Variants in DMD observed in about 807,000 individuals in gnomAD.
DMD encodes mutant dystrophin.
Under a neutral mutation model 330.1 loss-of-function variants are expected in DMD, and 63 were observed. The observed-to-expected ratio is 0.19, with a 90% CI of 0.16 to 0.24. The LOEUF is 0.24. DMD is among the 10% of genes least tolerant of loss of function. DMD has a pLI of 1.00. For missense variants in DMD, 3,344 were observed against 2,684.1 expected, an observed-to-expected ratio of 1.25 and a Z score of -5.43; for synonymous variants, 1,223 against 959.8, an observed-to-expected ratio of 1.27 and a Z score of -5.07.
At chrX:33,005,812 C>G (rs750230129) in intron 2 of DMD, among the ~76,000 whole-genome samples, 1 of 110,733 alleles carries the variant, frequency 9.0e-6, no homozygotes, top group East Asian at 2.8e-4. Context: ...AGAAATGAAG[C>G]TGTATTTCTT....
intron 9 of DMD, among the ~76,000 whole-genome samples, chrX:32,670,565 C>T (rs990837340): frequency 1.9e-4 from 21 of 111,543 alleles, no homozygotes; most frequent in East Asian, 1.1e-3. Flanking sequence ...GCCACATGCT[C>T]CTGCCATATT....
At chrX:32,570,499 A>C (rs967278366) in intron 15 of DMD, among the ~76,000 whole-genome samples, 3 of 112,162 alleles carry the variant, frequency 2.7e-5, no homozygotes, top group East Asian at 2.8e-4. Context: ...GAGGCTAGCC[A>C]AGATTTCTGC....
chrX:31,330,317 A>G (rs985164834), intron 61 of DMD, among the ~76,000 whole-genome samples: 1 of 111,764 alleles, frequency 8.9e-6, no homozygotes, highest in African/African-American at 3.3e-5. Flanking sequence ...TCAAAGAAAA[A>G]TAATACAGAA....
chrX:32,454,718 T>C lies in DMD; in HGVS notation c.3547A>G (p.Arg1183Gly). ...MTQAEEEYLE[R>G]DFEYKTPDEL... ...TCTGGAGTTTTATATTCAAAATCTCTCTCAAGATACTCTTCTTCAGCTTGT... is the reference window on the plus strand; with the variant it reads ...TCTGGAGTTTTATATTCAAAATCTCCCTCAAGATACTCTTCTTCAGCTTGT... Residue 1183 changes from arginine (R) to glycine (G), a missense_variant, in exon 26 of 79, where the codon AGA (arginine) becomes GGA (glycine). Physicochemically the swap from Arg to Gly is moderately radical, Grantham distance 125 (BLOSUM62 -2). Coordinates refer to ENST00000357033, the MANE Select transcript of DMD (RefSeq NM_004006.3). The C allele has an allele frequency of 8.3e-7, 1 of 1,203,821 alleles. No individual in the cohort carries two copies. The highest frequency in any genetic ancestry group is 1.8e-5 in the South Asian group (1 of 56,342).
chrX:32,496,876 T>C (rs1372766298), intron 19 of DMD, among the ~76,000 whole-genome samples: 2 of 112,580 alleles, frequency 1.8e-5, no homozygotes, highest in African/African-American at 6.4e-5. Flanking sequence ...GAGGAAGGAA[T>C]AAGAGAAGAG....
At chrX:32,456,899 G>A (rs185604450) in intron 25 of DMD, among the ~76,000 whole-genome samples, 1 of 104,578 alleles carries the variant, frequency 9.6e-6, no homozygotes, top group Non-Finnish European at 2.0e-5. Context: ...TTGATGTGGA[G>A]GTGTTGAGTG....
intron 60 of DMD, among the ~76,000 whole-genome samples, chrX:31,384,307 TTC>T (rs1491451600): frequency 3.6e-5 from 3 of 82,640 alleles, no homozygotes; most frequent in Non-Finnish European, 6.8e-5. Context: ...AATATCCTGC[TTC>T]ACTACTACTA....
chrX:32,341,969 C>G (rs1359121747), intron 41 of DMD, 131 bp downstream of exon 41: 1 of 671,769 alleles, frequency 1.5e-6, no homozygotes, highest in East Asian at 3.6e-5. Context: ...GGAAACCACT[C>G]ACTTTCAGAA....
At chrX:33,105,939 T>A (rs777970838) in intron 1 of DMD, among the ~76,000 whole-genome samples, 23 of 110,256 alleles carry the variant, frequency 2.1e-4, no homozygotes, top group Non-Finnish European at 3.8e-4. Flanking sequence ...AAAATAAAAA[T>A]AAGTCACTAT....
chrX:31,262,070 T>G (rs55681524), intron 62 of DMD, among the ~76,000 whole-genome samples: 3,489 of 112,539 alleles, frequency 0.031, 53 homozygotes, highest in South Asian at 0.078. Flanking sequence ...CAATGTCGAA[T>G]GGCCTTAGCG....
Position 32,103,300 on chromosome X carries a change from G to A in DMD, c.6438+113616C>T, listed in dbSNP as rs967979579. On this transcript the variant is annotated intron_variant, in intron 44 of 78. Coordinates refer to ENST00000357033, the MANE Select transcript of DMD (RefSeq NM_004006.3). ...AGTGCTTCATTGCTGCCCCACACGC[G>A]TTAGCACTTGAATAAATGTGGATAT... is the stretch of plus-strand genomic sequence containing the variant. Among the ~76,000 whole-genome samples, 24 of 111,907 alleles carry A rather than the reference G, an allele frequency of 2.1e-4. No homozygotes were observed. In the Admixed American group the frequency reaches 2.3e-3, roughly 11 times the overall value.
At chrX:32,673,796 A>C (rs1212080862) in intron 9 of DMD, among the ~76,000 whole-genome samples, 2 of 112,227 alleles carry the variant, frequency 1.8e-5, no homozygotes, top group East Asian at 5.6e-4. Flanking sequence ...GGGATTGTGC[A>C]AAGCACAGAG....
chrX:32,143,439 T>A (rs1001170515), intron 44 of DMD, among the ~76,000 whole-genome samples: 1 of 112,009 alleles, frequency 8.9e-6, no homozygotes. Flanking sequence ...GTTAGACAAG[T>A]AATTGACCCC....
intron 41 of DMD, among the ~76,000 whole-genome samples, chrX:32,323,525 T>G (rs937993154): frequency 1.9e-5 from 2 of 103,559 alleles, no homozygotes; most frequent in African/African-American, 7.6e-5. Flanking sequence ...TATAAATTAT[T>G]TCTTTTTAAA....
rs1459079216 is a variant in DMD at position 32,343,124 on chromosome X, A to G, written c.5739+10T>C. On this transcript the variant is annotated intron_variant, in intron 40 of 78. Coordinates refer to ENST00000357033, the MANE Select transcript of DMD (RefSeq NM_004006.3). ...TAAAATCTGGTATTGACATTCTAAAACAACATTACCTTTATTTTCCTTTCA... is the reference window on the plus strand; with the variant it reads ...TAAAATCTGGTATTGACATTCTAAAGCAACATTACCTTTATTTTCCTTTCA... 8.3e-7 allele frequency: 1 copy of G among 1,208,419 alleles called. No individual in the cohort carries two copies. The highest frequency in any genetic ancestry group is 1.1e-6 in the Non-Finnish European group (1 of 892,795).
chrX:32,773,224 C>T (rs1038813424), intron 7 of DMD, among the ~76,000 whole-genome samples: 6 of 111,279 alleles, frequency 5.4e-5, no homozygotes, highest in Middle Eastern at 4.6e-3. Context: ...TTATAGCTAG[C>T]GAGAGAAATG....
At chrX:31,822,711 GC>G (rs2092801110) in intron 49 of DMD, among the ~76,000 whole-genome samples, 1 of 34,759 alleles carries the variant, frequency 2.9e-5, no homozygotes, top group African/African-American at 1.3e-4. Context: ...TATTTTTCTT[GC>G]CTTTGATAGT....
At chrX:32,349,624 T>C (rs1239861173) in intron 37 of DMD, among the ~76,000 whole-genome samples, 3 of 111,423 alleles carry the variant, frequency 2.7e-5, no homozygotes, top group Non-Finnish European at 5.7e-5. Flanking sequence ...CGGATAAGTG[T>C]AGAAGAAAAA....
At chrX:32,700,115 C>T (rs2063982097) in intron 7 of DMD, among the ~76,000 whole-genome samples, 2 of 111,689 alleles carry the variant, frequency 1.8e-5, no homozygotes, top group Non-Finnish European at 3.8e-5. Flanking sequence ...ACTTACTGCA[C>T]TCATTCCAGT....
Sources: allele counts gnomAD v4.1 joint callset (sites outside exome capture counted in the v4.1 genomes callset), GRCh38; gene constraint gnomAD v4.1.1; transcripts MANE v1.5; gene names NCBI Gene and HGNC (gene_info 2026-07-23, HGNC 2026-07-21).